The following RIC8B variants were observed in gnomAD, a reference collection of about 807,000 sequenced individuals.
The protein encoded by RIC8B is RIC8 guanine nucleotide exchange factor B.
RIC8B carries 16 observed loss-of-function variants against 57.5 expected under a neutral mutation model. The observed-to-expected ratio is 0.28, with a 90% CI of 0.19 to 0.42. The LOEUF (loss-of-function observed/expected upper bound fraction) is 0.42, where lower values mean the gene tolerates loss of function less well. RIC8B is among the 10% of genes least tolerant of loss of function. RIC8B has a pLI of 1.00. For missense variants in RIC8B, 481 were observed against 677.0 expected, an observed-to-expected ratio of 0.71 and a Z score of 3.21; for synonymous variants, 216 against 250.8, an observed-to-expected ratio of 0.86 and a Z score of 1.31.
At chr12:106,874,453 C>T in intron 9 of RIC8B, 1 of 1,530,074 alleles carries the variant, frequency 6.5e-7, no homozygotes, top group Admixed American at 2.0e-5. Flanking sequence ...TGAATGGACA[C>T]TAGACACTTC....
intron 1 of RIC8B, among the ~76,000 whole-genome samples, chr12:106,776,687 C>A (rs2043511413): frequency 6.6e-6 from 1 of 152,200 alleles, no homozygotes; most frequent in African/African-American, 2.4e-5. Context: ...GAGCTTAAAT[C>A]CTGAACATCT....
intron 3 of RIC8B, among the ~76,000 whole-genome samples, chr12:106,825,194 C>G (rs1205776878): frequency 6.6e-6 from 1 of 152,178 alleles, no homozygotes; most frequent in East Asian, 1.9e-4. Context: ...CCCTGTGTCT[C>G]TTTAATACCA....
At chr12:106,779,033 C>T (rs1028454949) in intron 1 of RIC8B, among the ~76,000 whole-genome samples, 1 of 152,208 alleles carries the variant, frequency 6.6e-6, no homozygotes, top group African/African-American at 2.4e-5. Flanking sequence ...CCTGCTTCAG[C>T]CTCCTGAGAA....
chr12:106,868,334 A>C, intron 8 of RIC8B: 1 of 456,888 alleles, frequency 2.2e-6, no homozygotes, highest in Non-Finnish European at 4.4e-6. Flanking sequence ...GCCATCTCTC[A>C]AGAGGCAAAT....
intron 4 of RIC8B, among the ~76,000 whole-genome samples, chr12:106,826,867 C>A (rs2046128793): frequency 6.6e-6 from 1 of 152,116 alleles, no homozygotes; most frequent in Non-Finnish European, 1.5e-5. Context: ...GCGGGCAGAT[C>A]ACTTGAGTTG....
At chr12:106,784,112 G>C in intron 2 of RIC8B, 68 bp downstream of exon 2, 1 of 1,401,588 alleles carries the variant, frequency 7.1e-7, no homozygotes, top group Non-Finnish European at 1.0e-6. Flanking sequence ...TTTCTAAGCA[G>C]TGGTCATGTT....
intron 8 of RIC8B, chr12:106,868,504 A>G (rs770764003): frequency 1.2e-4 from 39 of 338,266 alleles, no homozygotes; most frequent in Non-Finnish European, 1.9e-4. Context: ...AAGAGAAACC[A>G]GTGAAAAGAG....
At chr12:106,799,351 A>C (rs1474149175) in intron 2 of RIC8B, among the ~76,000 whole-genome samples, 1 of 152,222 alleles carries the variant, frequency 6.6e-6, no homozygotes, top group Non-Finnish European at 1.5e-5. Flanking sequence ...GCCAAGCACT[A>C]TGCTAGAGGT....
At chr12:106,852,451 C>T (rs1437823946) in intron 7 of RIC8B, among the ~76,000 whole-genome samples, 1 of 152,168 alleles carries the variant, frequency 6.6e-6, no homozygotes, top group Non-Finnish European at 1.5e-5. Context: ...TCTTAAACTT[C>T]ATTTCTGATG....
At chr12:106,777,333 A>G (rs1340041150) in intron 1 of RIC8B, among the ~76,000 whole-genome samples, 1 of 152,242 alleles carries the variant, frequency 6.6e-6, no homozygotes, top group Non-Finnish European at 1.5e-5. Context: ...TGGTTCAGGC[A>G]GTAAGAATGG....
intron 6 of RIC8B, among the ~76,000 whole-genome samples, 184 bp downstream of exon 6, chr12:106,844,131 G>A (rs780757280): frequency 1.3e-5 from 2 of 152,132 alleles, no homozygotes; most frequent in East Asian, 1.9e-4. Flanking sequence ...AAATGCTACC[G>A]AGATCTGCTG....
At chr12:106,778,463 AGTT>A (rs2043593238) in intron 1 of RIC8B, among the ~76,000 whole-genome samples, 1 of 152,166 alleles carries the variant, frequency 6.6e-6, no homozygotes, top group African/African-American at 2.4e-5. Flanking sequence ...TGGGAGGAGC[AGTT>A]GTTTTTCTCT....
At position 106,886,837 on chromosome 12, in the gene RIC8B, AG is replaced by A. The variant is rs1483141725; in HGVS notation, c.*823del. The A allele has an allele frequency of 2.6e-5, 4 of 152,518 alleles. No individual in the cohort carries two copies. Among genetic ancestry groups the A allele is most frequent in the Non-Finnish European group, 4.4e-5 (3 of 68,034 alleles). The allele number at this position is 152,518 out of a possible 1,614,324, so 9.4% of individuals were successfully genotyped here. On this transcript the variant is annotated 3_prime_UTR_variant, in exon 10 of 10. Coordinates refer to ENST00000392837, the MANE Select transcript of RIC8B (RefSeq NM_001330145.2). ...CAGCATAGAGAATGGGGACTCCCTG[AG>A]TAATGGGAGTTCTTTCATGGCCTCT... is the stretch of plus-strand genomic sequence containing the variant.
chr12:106,883,398 G>C (rs1257332146), intron 9 of RIC8B, among the ~76,000 whole-genome samples: 1 of 152,112 alleles, frequency 6.6e-6, no homozygotes, highest in Non-Finnish European at 1.5e-5. Flanking sequence ...AGTTTTAATG[G>C]AAACGTTGTT....
intron 4 of RIC8B, among the ~76,000 whole-genome samples, chr12:106,831,905 C>A (rs1431290653): frequency 6.6e-6 from 1 of 152,182 alleles, no homozygotes; most frequent in Non-Finnish European, 1.5e-5. Flanking sequence ...TGGCATGGAG[C>A]CACTTCCTCC....
chr12:106,804,991 G>A (rs1297384743), intron 2 of RIC8B, among the ~76,000 whole-genome samples: 1 of 152,160 alleles, frequency 6.6e-6, no homozygotes, highest in Non-Finnish European at 1.5e-5. Context: ...GTTTGGACAG[G>A]CATTAGAGAG....
At chr12:106,878,133 C>T (rs757207456) in intron 9 of RIC8B, among the ~76,000 whole-genome samples, 10 of 152,098 alleles carry the variant, frequency 6.6e-5, no homozygotes, top group Non-Finnish European at 1.3e-4. Context: ...CTCAAATTTG[C>T]TATGGAAAAG....
chr12:106,845,827 A>G (rs530772342), intron 6 of RIC8B, among the ~76,000 whole-genome samples: 2 of 152,274 alleles, frequency 1.3e-5, no homozygotes, highest in East Asian at 3.9e-4. Context: ...CCCACTGCAA[A>G]GGTGTTTATC....
At chr12:106,799,675 A>G (rs992365350) in intron 2 of RIC8B, among the ~76,000 whole-genome samples, 1 of 152,210 alleles carries the variant, frequency 6.6e-6, no homozygotes, top group Admixed American at 6.5e-5. Flanking sequence ...TTTCAGAAAG[A>G]TCAATTTACT....
Sources: allele counts gnomAD v4.1 joint callset (sites outside exome capture counted in the v4.1 genomes callset), GRCh38; gene constraint gnomAD v4.1.1; transcripts MANE v1.5; gene names NCBI Gene and HGNC (gene_info 2026-07-23, HGNC 2026-07-21).